The following HCRTR2 variants were observed in gnomAD, a reference collection of about 807,000 sequenced individuals.
HCRTR2 encodes the protein hypocretin receptor 2.
HCRTR2 carries 22 observed loss-of-function variants against 49.0 expected under a neutral mutation model. The observed-to-expected ratio is 0.45, with a 90% CI of 0.32 to 0.64. The LOEUF (loss-of-function observed/expected upper bound fraction) is 0.64. Among genes scored for constraint, HCRTR2 ranks in the 30% least tolerant of loss-of-function variants. HCRTR2 has a pLI of 0.04. For synonymous variants in HCRTR2, 236 were observed against 205.3 expected (o/e 1.15, Z -1.28); for missense variants, 491 against 559.4 (o/e 0.88, Z 1.23).
chr6:55,122,388 A>G (rs1294924775), intron 1 of HCRTR2, among the ~76,000 whole-genome samples: 1 of 151,798 alleles, frequency 6.6e-6, no homozygotes, highest in Non-Finnish European at 1.5e-5. Flanking sequence ...CGATCTATGA[A>G]TTTTGTTTAT....
At chr6:55,200,841 A>G (rs1448662602) in intron 1 of HCRTR2, among the ~76,000 whole-genome samples, 4 of 152,102 alleles carry the variant, frequency 2.6e-5, no homozygotes, top group Non-Finnish European at 5.9e-5. Context: ...AGATATTTAG[A>G]AAGTATTTGT....
chr6:55,253,135 T>C (rs1267698230), intron 2 of HCRTR2, among the ~76,000 whole-genome samples: 1 of 151,802 alleles, frequency 6.6e-6, no homozygotes, highest in Admixed American at 6.6e-5. Flanking sequence ...GCCTCTCCCA[T>C]AGAGAAACAA....
intron 2 of HCRTR2, among the ~76,000 whole-genome samples, chr6:55,254,737 C>T (rs1295877396): frequency 6.7e-6 from 1 of 149,328 alleles, no homozygotes; most frequent in African/African-American, 2.4e-5. Context: ...ATAATTGAGG[C>T]TTTTCCAGTT....
intron 1 of HCRTR2, among the ~76,000 whole-genome samples, chr6:55,184,097 T>A (rs1046733335): frequency 2.0e-5 from 3 of 152,068 alleles, no homozygotes; most frequent in African/African-American, 7.2e-5. Context: ...GCAGCTAATT[T>A]TTTGAATTCT....
At chr6:55,166,750 A>G (rs1347375062) in intron 1 of HCRTR2, among the ~76,000 whole-genome samples, 2 of 152,136 alleles carry the variant, frequency 1.3e-5, no homozygotes, top group Non-Finnish European at 1.5e-5. Context: ...AACTTGTACA[A>G]GAACAGTCAG....
chr6:55,216,445 A>G (rs1025773585), intron 1 of HCRTR2, among the ~76,000 whole-genome samples: 1 of 152,208 alleles, frequency 6.6e-6, no homozygotes, highest in Non-Finnish European at 1.5e-5. Flanking sequence ...CAGTTGTGAA[A>G]TCAAAACAAG....
chr6:55,117,060 A>C (rs1441080499), intron 1 of HCRTR2, among the ~76,000 whole-genome samples: 1 of 151,840 alleles, frequency 6.6e-6, no homozygotes, highest in African/African-American at 2.4e-5. Flanking sequence ...TCAAATAACA[A>C]TTGCATTAAA....
At chr6:55,217,173 C>T (rs1337231274) in intron 1 of HCRTR2, among the ~76,000 whole-genome samples, 1 of 152,144 alleles carries the variant, frequency 6.6e-6, no homozygotes, top group African/African-American at 2.4e-5. Context: ...AACTATTCTA[C>T]CCTCCTTGGC....
intron 1 of HCRTR2, among the ~76,000 whole-genome samples, chr6:55,145,463 T>C (rs957849234): frequency 1.3e-5 from 2 of 150,500 alleles, no homozygotes; most frequent in Admixed American, 6.7e-5. Context: ...TAGGCTGGAG[T>C]GCAGTGGCGC....
upstream of HCRTR2, among the ~76,000 whole-genome samples, chr6:55,171,672 A>G (rs895627297): frequency 6.6e-6 from 1 of 152,236 alleles, no homozygotes; most frequent in Non-Finnish European, 1.5e-5. Flanking sequence ...GAATATTTGT[A>G]GGATCAAGAT....
chr6:55,274,621 G>T (rs1767043060), intron 4 of HCRTR2, among the ~76,000 whole-genome samples: 1 of 151,920 alleles, frequency 6.6e-6, no homozygotes, highest in South Asian at 2.1e-4. Context: ...CCAGTACAAT[G>T]TTGAGTACGA....
chr6:55,147,469 T>C lies in HCRTR2; in HGVS notation c.-377-26742T>C, dbSNP rs751028937. On this transcript the variant is annotated intron_variant, in intron 1 of 7. Coordinates refer to the HCRTR2 transcript ENST00000615358. ...GATAATGACTTAAGTCCTTTACATA[T>C]AAACTCACACCAACCTTATGAAATA... Among the ~76,000 whole-genome samples, 9 of 152,112 alleles carry C rather than the reference T, an allele frequency of 5.9e-5. No homozygotes were observed. The South Asian group carries it at 6.2e-4, about 11-fold the overall frequency.
intron 1 of HCRTR2, among the ~76,000 whole-genome samples, chr6:55,109,342 C>A (rs557127424): frequency 5.3e-5 from 8 of 152,192 alleles, no homozygotes; most frequent in African/African-American, 1.7e-4. Flanking sequence ...ATCACACTAG[C>A]TCACCAGCAA....
At chr6:55,154,906 A>C (rs1764710739) in intron 1 of HCRTR2, among the ~76,000 whole-genome samples, 1 of 151,794 alleles carries the variant, frequency 6.6e-6, no homozygotes, top group Non-Finnish European at 1.5e-5. Context: ...ATCAGTATAC[A>C]AAAAGTACTT....
chr6:55,246,530 C>T (rs1433989190), intron 1 of HCRTR2, among the ~76,000 whole-genome samples: 1 of 151,886 alleles, frequency 6.6e-6, no homozygotes, highest in African/African-American at 2.4e-5. Flanking sequence ...GAATAATCTC[C>T]AAGTGAAAAA....
At chr6:55,262,256 T>A (rs1766771960) in intron 3 of HCRTR2, among the ~76,000 whole-genome samples, 1 of 148,254 alleles carries the variant, frequency 6.7e-6, no homozygotes, top group Non-Finnish European at 1.5e-5. Context: ...CCAAAACCTA[T>A]CGGAATAAAA....
At chr6:55,107,114 C>T (rs1763984684) in intron 1 of HCRTR2, among the ~76,000 whole-genome samples, 2 of 152,070 alleles carry the variant, frequency 1.3e-5, no homozygotes, top group African/African-American at 2.4e-5. Context: ...TTGTCATTTT[C>T]TTACTTTCCG....
intron 1 of HCRTR2, among the ~76,000 whole-genome samples, chr6:55,166,824 G>T (rs1245995081): frequency 6.6e-6 from 1 of 152,022 alleles, no homozygotes; most frequent in Non-Finnish European, 1.5e-5. Flanking sequence ...CTGCTGAATA[G>T]ATAAAATGTG....
chr6:55,158,406 A>C (rs1387089660), intron 1 of HCRTR2, among the ~76,000 whole-genome samples: 1 of 152,190 alleles, frequency 6.6e-6, no homozygotes, highest in Non-Finnish European at 1.5e-5. Context: ...AGCTAGCTGC[A>C]GGAGTTATTT....
Sources: allele counts gnomAD v4.1 joint callset (sites outside exome capture counted in the v4.1 genomes callset), GRCh38; gene constraint gnomAD v4.1.1; transcripts MANE v1.5; gene names NCBI Gene and HGNC (gene_info 2026-07-23, HGNC 2026-07-21).